Variants in CEP290 observed in about 807,000 individuals in gnomAD.
CEP290 encodes centrosomal protein of 290 kDa.
In CEP290, 317 loss-of-function variants were observed where a neutral mutation model predicts 344.9. The ratio of observed to expected loss-of-function variants is 0.92; its 90% CI spans 0.84 to 1.01. CEP290 has a LOEUF of 1.01. Ranked by LOEUF, CEP290 falls within the 50% of genes least tolerant of loss-of-function variation. The pLI, the probability that CEP290 is intolerant of heterozygous loss-of-function variation, is 0.00. For missense variants in CEP290, 2,754 were observed against 2,761.4 expected (o/e 1.00, Z 0.06); for synonymous variants, 932 against 895.8 (o/e 1.04, Z -0.72).
chr12:88,139,435 T>G, intron 4 of CEP290, 60 bp downstream of exon 4: 1 of 1,167,116 alleles, frequency 8.6e-7, no homozygotes, highest in Non-Finnish European at 1.2e-6. Flanking sequence ...TTTCTACAGT[T>G]TAATGAACAA....
intron 25 of CEP290, chr12:88,103,804 C>T (rs1363082714): frequency 2.6e-5 from 4 of 152,144 alleles, no homozygotes; most frequent in Non-Finnish European, 4.4e-5. Flanking sequence ...TTTGTAATAG[C>T]GCTTCAGATC....
Position 88,071,368 on chromosome 12 carries a change from A to G in CEP290, c.5937T>C (p.Ala1979=). 6.2e-7 allele frequency: 1 copy of G among 1,611,014 alleles called. No homozygotes were observed. The highest frequency in any genetic ancestry group is 8.5e-7 in the Non-Finnish European group (1 of 1,177,876). ...MTVDQVLGIR[A]LESEKELEEL... The stretch of plus-strand genomic sequence containing the variant: ...CTTCCAATTCTTTTTCTGACTCCAA[A>G]GCTCGTATTCCCAAAACCTGATCAA... Residue 1979 remains alanine (A), a synonymous_variant, in exon 43 of 54, where the codon GCT becomes GCC. Coordinates refer to ENST00000552810, the MANE Select transcript of CEP290 (RefSeq NM_025114.4).
In CEP290 at chr12:88,083,219, T is replaced by G; in HGVS notation, c.4824A>C (p.Lys1608Asn). 1 of 1,476,304 alleles carries G rather than the reference T, an allele frequency of 6.8e-7. No homozygotes were observed. Among genetic ancestry groups the G allele is most frequent in the Non-Finnish European group, 9.0e-7 (1 of 1,115,738 alleles). 91.5% of individuals were successfully genotyped at this position (1,476,304 alleles called of 1,614,324 possible). A position where few individuals can be genotyped will look rare whatever the true frequency, so the allele number is the denominator to read the frequency against. Residue 1608 changes from lysine to asparagine, a missense_variant, in exon 37 of 54, where the codon AAA becomes AAC. By Grantham distance (94) the Lys-to-Asn change is moderately conservative. Coordinates refer to ENST00000552810, the MANE Select transcript of CEP290 (RefSeq NM_025114.4). The part of the protein sequence containing the change: ...KFKQTAWDLM[K>N]QSPTPVPTNK... ...TGGTAGGAACTGGAGTGGGAGACTG[T>G]TTCATTAAATCCTATAAAATATGAA...
chr12:88,098,668 T>C (rs1004665288), intron 26 of CEP290, among the ~76,000 whole-genome samples: 12 of 151,838 alleles, frequency 7.9e-5, no homozygotes, highest in Non-Finnish European at 1.6e-4. Flanking sequence ...AGCCAGTGAA[T>C]AATAGAAAGG....
At chr12:88,141,418 T>A in intron 1 of CEP290, 84 bp from the exon 2 acceptor site, 1 of 624,406 alleles carries the variant, frequency 1.6e-6, no homozygotes. Context: ...TTGCAGATTA[T>A]TTCATTATAA....
chr12:88,130,359 GT>G lies in CEP290; in HGVS notation c.577del (p.Thr193HisfsTer33), dbSNP rs762128059. On this transcript the variant is annotated frameshift_variant, in exon 9 of 54. Transcript: ENST00000552810. LOFTEE classifies it high-confidence loss of function. ...YQKQIDSQKE[T>X]LLSRRGEDSD... ...GTCTTCCCCTCTTCTTGATAAAAGT[GT>G]TTCTTTCTGTGAATCTATTTGTTTC... is the stretch of plus-strand genomic sequence containing the variant. 6.2e-7 allele frequency: 1 copy of G among 1,609,892 alleles called. No homozygotes were observed. The highest frequency in any genetic ancestry group is 1.1e-5 in the South Asian group (1 of 90,302).
Position 88,106,862 on chromosome 12 carries a change from T to C in CEP290, c.2630A>G (p.Lys877Arg). ...TTTCCTACTATTTTCTGCAAGTATT[T>C]TTTTCATTTCATCCGAATCCATCTG... is the stretch of plus-strand genomic sequence containing the variant. ...ALQMDSDEMK[K>R]ILAENSRKIT... Residue 877 changes from lysine (K) to arginine (R), a missense_variant, in exon 25 of 54, where the codon AAA becomes AGA. By Grantham distance (26) the Lys-to-Arg change is conservative. Coordinates refer to ENST00000552810, the MANE Select transcript of CEP290 (RefSeq NM_025114.4). 1 of 1,607,756 alleles carries C rather than the reference T, an allele frequency of 6.2e-7. No individual in the cohort carries two copies. Among genetic ancestry groups the C allele is most frequent in the South Asian group, 1.1e-5 (1 of 90,060 alleles).
Position 88,049,334 on chromosome 12 carries a change from ATTATAC to A in CEP290, c.7284_7289del (p.Lys2428_Tyr2429del), listed in dbSNP as rs765720830. On this transcript the variant is annotated inframe_deletion, in exon 54 of 54. Coordinates refer to ENST00000552810, the MANE Select transcript of CEP290 (RefSeq NM_025114.4). ...TATTCTTCTTCACTTCTTCCTTGTA[ATTATAC>A]TTAAGATCTTCAATTTCTTCAAAAA... 3.1e-6 allele frequency: 5 copies of A among 1,587,496 alleles called. No homozygotes were observed. The highest frequency in any genetic ancestry group is 1.1e-5 in the South Asian group (1 of 87,102).
In CEP290 at chr12:88,139,557, G is replaced by A. The variant is rs769705891; in HGVS notation, c.188C>T (p.Ala63Val). 8.3e-6 allele frequency: 13 copies of A among 1,573,850 alleles called. No individual in the cohort carries two copies. In the South Asian group the frequency reaches 1.3e-4, roughly 16 times the overall value. The part of the protein sequence containing the change: ...RITQSLMKMK[A>V]QEVELALEEV... ...TTCCAAAGCCAGCTCCACTTCTTGA[G>A]CTTTCATCTAAACATTAAAAAAAGG... The change falls in exon 4 of 54, where the codon GCT becomes GTT. Residue 63 changes from alanine to valine, a missense_variant. Coordinates refer to ENST00000552810, the MANE Select transcript of CEP290 (RefSeq NM_025114.4).
intron 34 of CEP290, among the ~76,000 whole-genome samples, chr12:88,085,299 C>T (rs140780486): frequency 7.2e-5 from 11 of 151,774 alleles, no homozygotes; most frequent in Middle Eastern, 3.4e-3. Flanking sequence ...ATATAAAATC[C>T]GCAGCTTATT....
chr12:88,109,312 G>T (rs2038512575), intron 22 of CEP290, 131 bp from the exon 23 acceptor site: 2 of 474,436 alleles, frequency 4.2e-6, no homozygotes, highest in African/African-American at 4.1e-5. Context: ...AAGCAACACA[G>T]ATCATTTTTC....
Position 88,111,191 on chromosome 12 carries a change from A to G in CEP290, c.2367+11T>C. On this transcript the variant is annotated intron_variant, in intron 22 of 53. Coordinates refer to ENST00000552810, the MANE Select transcript of CEP290 (RefSeq NM_025114.4). Reference sequence around the variant, plus strand: ...TAAAATTTTCAATACCTGTAACAAAATTTTCAATACCTGTAACAAATGTAT... The same window carrying G: ...TAAAATTTTCAATACCTGTAACAAAGTTTTCAATACCTGTAACAAATGTAT... 7.4e-7 allele frequency: 1 copy of G among 1,346,180 alleles called. No individual in the cohort carries two copies. The highest frequency in any genetic ancestry group is 9.6e-7 in the Non-Finnish European group (1 of 1,038,638). 83.4% of individuals were successfully genotyped at this position (1,346,180 alleles called of 1,614,324 possible).
At chr12:88,093,167 C>T (rs1235720490) in intron 28 of CEP290, among the ~76,000 whole-genome samples, 1 of 151,896 alleles carries the variant, frequency 6.6e-6, no homozygotes, top group Non-Finnish European at 1.5e-5. Flanking sequence ...ATAAATAAAT[C>T]CAAATGAGTT....
chr12:88,084,878 C>A (rs1421133702), intron 34 of CEP290, 26 bp from the exon 35 acceptor site: 3 of 1,444,620 alleles, frequency 2.1e-6, no homozygotes. Flanking sequence ...TATAATAAAT[C>A]ATTAAAGTAT....
chr12:88,077,713 A>G lies in CEP290; in HGVS notation c.5570T>C (p.Leu1857Pro), dbSNP rs1485169564. ...TAAAATTACCTGTAATCCACTGGTT[A>G]GTCTTTTAATTTGCCTTTTCAGTTC... ...NDELKRQIKRLTSGLQGKPLT... is the reference protein window; with the variant it reads ...NDELKRQIKRPTSGLQGKPLT... The change falls in exon 40 of 54, where the codon CTA becomes CCA. Residue 1857 changes from leucine to proline, a missense_variant. By Grantham distance (98) the Leu-to-Pro change is moderately conservative. Coordinates refer to ENST00000552810, the MANE Select transcript of CEP290 (RefSeq NM_025114.4). The G allele has an allele frequency of 5.8e-6, 9 of 1,553,604 alleles. No individual in the cohort carries two copies. The highest frequency in any genetic ancestry group is 7.8e-6 in the Non-Finnish European group (9 of 1,147,504).
Position 88,083,052 on chromosome 12 carries a change from TCTTTTA to T in CEP290, c.4985_4990del (p.Val1662_Lys1663del), listed in dbSNP as rs1269094035. ...TTACTGTAATTTGATATTTTCAAATTCTTTTACTTTTAATTCAGTGATTTCTCTTTG... is the reference window on the plus strand; with the variant it reads ...TTACTGTAATTTGATATTTTCAAATTCTTTTAATTCAGTGATTTCTCTTTG... On this transcript the variant is annotated inframe_deletion, in exon 37 of 54. Transcript: ENST00000552810. 2.0e-6 allele frequency: 3 copies of T among 1,509,736 alleles called. No homozygotes were observed. The highest frequency in any genetic ancestry group is 8.9e-7 in the Non-Finnish European group (1 of 1,124,824). 93.5% of individuals were successfully genotyped at this position (1,509,736 alleles called of 1,614,324 possible). A position where few individuals can be genotyped will look rare whatever the true frequency, so the allele number is the denominator to read the frequency against.
intron 5 of CEP290, among the ~76,000 whole-genome samples, chr12:88,138,880 C>A (rs1237246574): frequency 1.3e-5 from 2 of 152,114 alleles, no homozygotes; most frequent in Non-Finnish European, 2.9e-5. Flanking sequence ...CCCTCCACCT[C>A]AGTTACTAGT....
rs200729812 is a variant in CEP290, at chr12:88,126,446, T to A, written c.943-8A>T. 2.9e-4 allele frequency: 429 copies of A among 1,476,724 alleles called. 1 individual carries two copies. The highest frequency in any genetic ancestry group is 3.4e-4 in the Non-Finnish European group (382 of 1,107,438). 91.5% of individuals were successfully genotyped at this position (1,476,724 alleles called of 1,614,324 possible). ...TTTAGAAGACAAAATTAGCTAGAAATAAACACAATAGAATCTGTTATGCAA... is the reference window on the plus strand; with the variant it reads ...TTTAGAAGACAAAATTAGCTAGAAAAAAACACAATAGAATCTGTTATGCAA... On this transcript the variant is annotated splice_region_variant and splice_polypyrimidine_tract_variant and intron_variant, in intron 11 of 53. Coordinates refer to ENST00000552810, the MANE Select transcript of CEP290 (RefSeq NM_025114.4).
intron 25 of CEP290, 98 bp from the exon 26 acceptor site, chr12:88,103,109 A>AATTTTAAAAATG: frequency 3.3e-6 from 2 of 607,024 alleles, no homozygotes; most frequent in Non-Finnish European, 2.5e-6. Flanking sequence ...AAGTAAAACG[A>AATTTTAAAAATG]ATTTTAAAAT....
Sources: gnomAD v4.1 joint callset for allele counts (sites outside exome capture counted in the v4.1 genomes callset) on GRCh38, gnomAD v4.1.1 for gene constraint, MANE v1.5 for transcripts, NCBI Gene and HGNC (gene_info 2026-07-23, HGNC 2026-07-21) for gene names.